KCNQ5: variants seen among roughly 807,000 people sequenced by gnomAD.
The protein encoded by KCNQ5 is potassium voltage-gated channel subfamily Q member 5.
A neutral mutation model predicts 98.2 loss-of-function variants in KCNQ5; 30 were observed. That is an observed-to-expected ratio of 0.31 (90% CI 0.23 to 0.41). KCNQ5 has a LOEUF of 0.41. Ranked by LOEUF, KCNQ5 falls within the 10% of genes least tolerant of loss-of-function variation. The probability of loss-of-function intolerance (pLI) is 1.00; values close to 1 mark genes in which losing one functional copy is unlikely to be tolerated. For synonymous variants in KCNQ5, 458 were observed against 449.4 expected, an observed-to-expected ratio of 1.02 and a Z score of -0.24; for missense variants, 835 against 1,182.5, an observed-to-expected ratio of 0.71 and a Z score of 4.31.
intron 1 of KCNQ5, among the ~76,000 whole-genome samples, chr6:72,886,871 GA>G (rs1239949532): frequency 2.0e-5 from 3 of 151,866 alleles, no homozygotes; most frequent in Non-Finnish European, 2.9e-5. Context: ...TTAAAAACTG[GA>G]ACTAAATAAT....
chr6:72,895,326 C>T (rs1431622519), intron 1 of KCNQ5, among the ~76,000 whole-genome samples: 2 of 150,438 alleles, frequency 1.3e-5, no homozygotes, highest in African/African-American at 4.9e-5. Flanking sequence ...ATAGGTGATT[C>T]GTGTGCTCCT....
At chr6:73,127,047 G>T (rs920060705) in intron 9 of KCNQ5, among the ~76,000 whole-genome samples, 1 of 152,166 alleles carries the variant, frequency 6.6e-6, no homozygotes, top group Non-Finnish European at 1.5e-5. Context: ...ACCTTGTTGT[G>T]CTCCATACAC....
intron 1 of KCNQ5, among the ~76,000 whole-genome samples, chr6:72,949,033 C>T (rs939064670): frequency 2.0e-5 from 3 of 151,966 alleles, no homozygotes; most frequent in Non-Finnish European, 2.9e-5. Context: ...TGGCAATGTT[C>T]GTATTTTTTT....
chr6:72,656,764 G>A (rs1360296321), intron 1 of KCNQ5, among the ~76,000 whole-genome samples: 1 of 152,064 alleles, frequency 6.6e-6, no homozygotes, highest in East Asian at 1.9e-4. Flanking sequence ...TGTCCACTGA[G>A]AGCATCTTAT....
chr6:72,895,655 A>G (rs1478752562), intron 1 of KCNQ5, among the ~76,000 whole-genome samples: 1 of 149,576 alleles, frequency 6.7e-6, no homozygotes, highest in Admixed American at 6.7e-5. Context: ...TATATTCAAC[A>G]TATATATTAT....
chr6:72,707,140 G>A (rs75889942), intron 1 of KCNQ5, among the ~76,000 whole-genome samples: 2,689 of 152,140 alleles, frequency 0.018, 82 homozygotes, highest in African/African-American at 0.061. Context: ...AAATGCTTTT[G>A]GCTATGCGTG....
At chr6:72,804,479 C>T (rs1009266152) in intron 1 of KCNQ5, among the ~76,000 whole-genome samples, 9 of 152,038 alleles carry the variant, frequency 5.9e-5, no homozygotes, top group African/African-American at 2.2e-4. Context: ...CTAGTTCCAT[C>T]TATGTTGTTG....
rs1475249823 is a variant in KCNQ5, at chr6:72,852,077, C to T, written c.399-151831C>T. On this transcript the variant is annotated intron_variant, in intron 1 of 13. Coordinates refer to ENST00000370398, the MANE Select transcript of KCNQ5 (RefSeq NM_019842.4). Reference sequence around the variant, plus strand: ...AAATTAATTAATAAACAGCAAGGTTCTCTGTGGCCTTCCTAACAGTGTTTA... The same window carrying T: ...AAATTAATTAATAAACAGCAAGGTTTTCTGTGGCCTTCCTAACAGTGTTTA... 2.6e-5 allele frequency among the ~76,000 whole-genome samples: 4 copies of T among 151,676 alleles called. No individual in the cohort carries two copies. The East Asian group carries it at 5.8e-4, about 22-fold the overall frequency.
intron 1 of KCNQ5, among the ~76,000 whole-genome samples, chr6:72,823,907 T>C (rs964752773): frequency 6.6e-6 from 1 of 152,218 alleles, no homozygotes; most frequent in Non-Finnish European, 1.5e-5. Flanking sequence ...TCTGATCTAC[T>C]TCATCCACTA....
Position 72,705,561 on chromosome 6 carries a change from T to C in KCNQ5, c.398+82974T>C, listed in dbSNP as rs556001008. Among the ~76,000 whole-genome samples, 3 of 145,068 alleles carry C rather than the reference T, an allele frequency of 2.1e-5. No homozygotes were observed. The East Asian group carries it at 6.0e-4, about 29-fold the overall frequency. ...ATGCCTAGAGGTTTTACTGTCCAAATTTTTTTTTTGTTTTTTGTTGTTGTT... is the reference window on the plus strand; with the variant it reads ...ATGCCTAGAGGTTTTACTGTCCAAACTTTTTTTTTGTTTTTTGTTGTTGTT... On this transcript the variant is annotated intron_variant, in intron 1 of 13. Coordinates refer to ENST00000370398, the MANE Select transcript of KCNQ5 (RefSeq NM_019842.4).
intron 1 of KCNQ5, among the ~76,000 whole-genome samples, chr6:72,761,614 ATAAT>A (rs1458456519): frequency 6.6e-6 from 1 of 151,866 alleles, no homozygotes; most frequent in Non-Finnish European, 1.5e-5. Context: ...TAATTATTCT[ATAAT>A]TATGAAATAA....
chr6:72,807,590 G>A (rs987552832), intron 1 of KCNQ5, among the ~76,000 whole-genome samples: 44 of 152,132 alleles, frequency 2.9e-4, no homozygotes, highest in African/African-American at 9.9e-4. Flanking sequence ...GCTCACTGCA[G>A]CCTCAAACCC....
At position 72,736,999 on chromosome 6, in the gene KCNQ5, C is replaced by T. The variant is rs567157139; in HGVS notation, c.398+114412C>T. Among the ~76,000 whole-genome samples, 4 of 151,998 alleles carry T rather than the reference C, an allele frequency of 2.6e-5. No homozygotes were observed. In the East Asian group the frequency reaches 5.8e-4, roughly 22 times the overall value. ...TGAGATGGAGTCTCACTCACTGCGT[C>T]GCCCAGGCTGGGGAACAGTGGCGCG... On this transcript the variant is annotated intron_variant, in intron 1 of 13. Transcript: ENST00000370398.
chr6:72,832,007 A>G (rs1240999440), intron 1 of KCNQ5, among the ~76,000 whole-genome samples: 1 of 152,176 alleles, frequency 6.6e-6, no homozygotes, highest in Non-Finnish European at 1.5e-5. Flanking sequence ...ATTTAATGGA[A>G]TCAGAACATC....
At chr6:72,849,894 A>G (rs1423904846) in intron 1 of KCNQ5, among the ~76,000 whole-genome samples, 3 of 152,132 alleles carry the variant, frequency 2.0e-5, no homozygotes, top group Admixed American at 6.6e-5. Context: ...AGAGTCACCA[A>G]CTTGTTGGAA....
intron 1 of KCNQ5, among the ~76,000 whole-genome samples, chr6:72,901,723 G>A (rs754443941): frequency 2.6e-5 from 4 of 152,072 alleles, no homozygotes; most frequent in East Asian, 1.9e-4. Flanking sequence ...ATTTTATACC[G>A]GTACCATGCT....
intron 5 of KCNQ5, 65 bp downstream of exon 5, chr6:73,077,952 A>G: frequency 7.6e-7 from 1 of 1,308,370 alleles, no homozygotes; most frequent in Non-Finnish European, 1.1e-6. Context: ...AATACAACGT[A>G]ATGGTTCCTA....
chr6:72,853,566 A>G (rs976968300), intron 1 of KCNQ5, among the ~76,000 whole-genome samples: 16 of 152,030 alleles, frequency 1.1e-4, no homozygotes, highest in Non-Finnish European at 1.6e-4. Flanking sequence ...GTGGTCTCGA[A>G]CTCCTGGCCT....
At chr6:72,685,356 T>C (rs1462265592) in intron 1 of KCNQ5, among the ~76,000 whole-genome samples, 1 of 152,208 alleles carries the variant, frequency 6.6e-6, no homozygotes, top group African/African-American at 2.4e-5. Flanking sequence ...TTAACAAAAC[T>C]ATATGCATTC....
Sources: allele counts gnomAD v4.1 joint callset (sites outside exome capture counted in the v4.1 genomes callset), GRCh38; gene constraint gnomAD v4.1.1; transcripts MANE v1.5; gene names NCBI Gene and HGNC (gene_info 2026-07-23, HGNC 2026-07-21).